The following KIR3DL2 variants were observed in gnomAD, a reference collection of about 807,000 sequenced individuals.
The protein encoded by KIR3DL2 is killer cell immunoglobulin-like receptor 3DL2.
Under a neutral mutation model 41.6 loss-of-function variants are expected in KIR3DL2, and 42 were observed. That is an observed-to-expected ratio of 1.01 (90% CI 0.79 to 1.31). The LOEUF is 1.31. Among genes scored for constraint, KIR3DL2 ranks in the 50% most tolerant of loss-of-function variants. The probability of loss-of-function intolerance (pLI) is 0.00; values close to 1 mark genes in which losing one functional copy is unlikely to be tolerated. For synonymous variants in KIR3DL2, 230 were observed against 221.3 expected, an observed-to-expected ratio of 1.04 and a Z score of -0.35; for missense variants, 728 against 576.8, an observed-to-expected ratio of 1.26 and a Z score of -2.68.
intron 6 of KIR3DL2, among the ~76,000 whole-genome samples, chr19:54,861,150 T>G (rs1300497637): frequency 6.6e-6 from 1 of 151,264 alleles, no homozygotes; most frequent in African/African-American, 2.4e-5. Context: ...AGACACTAAA[T>G]GAATGAAGTA....
chr19:54,865,454 T>A (rs1277034203), intron 6 of KIR3DL2, among the ~76,000 whole-genome samples: 3 of 152,082 alleles, frequency 2.0e-5, no homozygotes, highest in African/African-American at 7.2e-5. Context: ...AGGGGGAACT[T>A]GCTAACCCCA....
At position 54,851,258 on chromosome 19, in the gene KIR3DL2, G is replaced by A; in HGVS notation, c.70+3G>A. 1.2e-6 allele frequency: 2 copies of A among 1,608,624 alleles called. No individual in the cohort carries two copies. Among genetic ancestry groups the A allele is most frequent in the Non-Finnish European group, 1.7e-6 (2 of 1,177,570 alleles). On this transcript the variant is annotated splice_donor_region_variant and intron_variant, in intron 2 of 8. Coordinates refer to ENST00000326321, the MANE Select transcript of KIR3DL2 (RefSeq NM_006737.4). ...GCAGGGGGCCTGGCCACTCATGGGT[G>A]AGTCCGTCCCCAAACCTTAGGGTGT...
chr19:54,861,606 A>G (rs590251), intron 6 of KIR3DL2, among the ~76,000 whole-genome samples: 52,905 of 149,300 alleles, frequency 0.35, 9,445 homozygotes, highest in South Asian at 0.39. Flanking sequence ...TGGAGATCGC[A>G]TCACTGCACA....
chr19:54,855,632 A>T lies in KIR3DL2; in HGVS notation c.669A>T (p.Lys223Asn), dbSNP rs1449475971. Residue 223 changes from lysine (K) to asparagine (N), a missense_variant, in exon 5 of 9, where the codon AAA becomes AAT. By Grantham distance (94) the Lys-to-Asn change is moderately conservative. Transcript: ENST00000326321. ...TTCTCCTTCCAGGTCTATATGAGAA[A>T]CCTTCTCTCTCAGCCCAGCCGGGCC... ...LDIVITGLYE[K>N]PSLSAQPGPT... 2 of 1,612,728 alleles carry T rather than the reference A, an allele frequency of 1.2e-6. No homozygotes were observed. Among genetic ancestry groups the T allele is most frequent in the African/African-American group, 1.3e-5 (1 of 74,308 alleles).
intron 5 of KIR3DL2, among the ~76,000 whole-genome samples, chr19:54,857,437 T>G (rs1162098194): frequency 6.6e-6 from 1 of 151,502 alleles, no homozygotes; most frequent in Non-Finnish European, 1.5e-5. Context: ...CCATAATAGT[T>G]GTACTAATTT....
In KIR3DL2 at chr19:54,866,343, G is replaced by A. The variant is rs370494406; in HGVS notation, c.1106-27G>A. On this transcript the variant is annotated intron_variant, in intron 7 of 8. Transcript: ENST00000326321. ...GAGGACCCAGAAGGGCCCTCCAAGC[G>A]GTTTTGATGACTTCCGTCTCCTACA... is the stretch of plus-strand genomic sequence containing the variant. The A allele has an allele frequency of 7.6e-5, 123 of 1,613,320 alleles. No individual in the cohort carries two copies. The African/African-American group carries it at 1.1e-3, about 15-fold the overall frequency.
chr19:54,862,371 G>A (rs1325736778), intron 6 of KIR3DL2, among the ~76,000 whole-genome samples: 2 of 152,124 alleles, frequency 1.3e-5, no homozygotes, highest in Non-Finnish European at 1.5e-5. Context: ...TCTTTCCAGA[G>A]AAGACTCTAA....
rs1429048400 is a variant in KIR3DL2 at position 54,857,825 on chromosome 19, C to T, written c.950-1254C>T. The stretch of plus-strand genomic sequence containing the variant: ...CCTCCCAAAGTGCTGGAATTACAGG[C>T]GTGAGCCACCGGCCTAAAAGGCATT... On this transcript the variant is annotated intron_variant, in intron 5 of 8. Transcript: ENST00000326321. Among the ~76,000 whole-genome samples the T allele has an allele frequency of 7.2e-5, 11 of 151,766 alleles. 1 individual carries two copies. Among genetic ancestry groups the T allele is most frequent in the African/African-American group, 1.9e-4 (8 of 41,140 alleles).
chr19:54,859,075 C>T lies in KIR3DL2; in HGVS notation c.950-4C>T, dbSNP rs2064995248. On this transcript the variant is annotated splice_region_variant and splice_polypyrimidine_tract_variant and intron_variant, in intron 5 of 8. Transcript: ENST00000326321. ...CCTCACATCTCTCCTGTCCCGTGTTCTAGGAAACCCTTCAAGTAGTTGGCC... is the reference window on the plus strand; with the variant it reads ...CCTCACATCTCTCCTGTCCCGTGTTTTAGGAAACCCTTCAAGTAGTTGGCC... 1 of 1,613,698 alleles carries T rather than the reference C, an allele frequency of 6.2e-7. No homozygotes were observed. The highest frequency in any genetic ancestry group is 2.2e-5 in the East Asian group (1 of 44,882).
chr19:54,858,171 T>A (rs1228354796), intron 5 of KIR3DL2, among the ~76,000 whole-genome samples: 1 of 151,090 alleles, frequency 6.6e-6, no homozygotes, highest in Non-Finnish European at 1.5e-5. Context: ...TAATGGTCTA[T>A]TTTTTGCTTT....
intron 3 of KIR3DL2, among the ~76,000 whole-genome samples, chr19:54,853,338 A>T (rs202026742): frequency 0.14 from 19,330 of 140,252 alleles, no homozygotes; most frequent in South Asian, 0.23. Context: ...GGGTGTGTGG[A>T]CACTGATGTC....
intron 3 of KIR3DL2, among the ~76,000 whole-genome samples, chr19:54,853,275 C>T (rs2064443934): frequency 2.0e-5 from 3 of 151,600 alleles, no homozygotes; most frequent in Admixed American, 6.6e-5. Flanking sequence ...AAGCTGGGGC[C>T]ATGGAGAAGG....
intron 5 of KIR3DL2, among the ~76,000 whole-genome samples, chr19:54,858,211 A>G (rs1390825792): frequency 1.3e-5 from 2 of 150,230 alleles, no homozygotes; most frequent in South Asian, 4.2e-4. Flanking sequence ...GTTTTAAACA[A>G]AATGTCTTTC....
At chr19:54,854,168 T>G (rs2064544838) in intron 4 of KIR3DL2, 122 bp downstream of exon 4, 2 of 1,223,298 alleles carry the variant, frequency 1.6e-6, no homozygotes. Context: ...AGAGACTGAC[T>G]CGGTGAGGTC....
intron 4 of KIR3DL2, among the ~76,000 whole-genome samples, chr19:54,854,675 C>T (rs1394033857): frequency 6.6e-6 from 1 of 151,660 alleles, no homozygotes; most frequent in Non-Finnish European, 1.5e-5. Context: ...AAATCAGGGA[C>T]TTCAAAAAGC....
At chr19:54,860,409 C>T (rs773730389) in intron 6 of KIR3DL2, among the ~76,000 whole-genome samples, 7 of 152,150 alleles carry the variant, frequency 4.6e-5, no homozygotes, top group African/African-American at 7.2e-5. Flanking sequence ...CTTGCTCTGT[C>T]GTCCAGGCTA....
At position 54,856,029 on chromosome 19, in the gene KIR3DL2, G is replaced by T. The variant is rs1402084603; in HGVS notation, c.949+117G>T. ...TGCAGAGAGAACACGAAGACTGGGTGTGAGGGGGGGGTCAGGGTGCAGGAT... is the reference window on the plus strand; with the variant it reads ...TGCAGAGAGAACACGAAGACTGGGTTTGAGGGGGGGGTCAGGGTGCAGGAT... On this transcript the variant is annotated intron_variant, in intron 5 of 8. Transcript: ENST00000326321. 127 of 1,275,026 alleles carry T rather than the reference G, an allele frequency of 1.0e-4. 8 individuals carry two copies. The African/African-American group carries it at 2.1e-3, about 21-fold the overall frequency. The allele number at this position is 1,275,026 out of a possible 1,614,324, so 79.0% of individuals were successfully genotyped here. A position where few individuals can be genotyped will look rare whatever the true frequency, so the allele number is the denominator to read the frequency against.
At chr19:54,858,133 G>A (rs1953977640) in intron 5 of KIR3DL2, among the ~76,000 whole-genome samples, 4 of 151,550 alleles carry the variant, frequency 2.6e-5, no homozygotes, top group African/African-American at 2.4e-5. Flanking sequence ...CTTTGGTGGT[G>A]CAGAAGTTGC....
chr19:54,866,453 A>G (rs1601842451), intron 8 of KIR3DL2, 31 bp downstream of exon 8: 1 of 1,613,746 alleles, frequency 6.2e-7, no homozygotes, highest in African/African-American at 1.3e-5. Context: ...CCTCACGGAT[A>G]CAGTCTTATC....
Sources: allele counts gnomAD v4.1 joint callset (sites outside exome capture counted in the v4.1 genomes callset), GRCh38; gene constraint gnomAD v4.1.1; transcripts MANE v1.5; gene names NCBI Gene and HGNC (gene_info 2026-07-23, HGNC 2026-07-21).